Variants in FHL5 observed in about 807,000 individuals in gnomAD.
FHL5 encodes the protein four and a half LIM domains 5, also known as four and a half LIM domains protein 5.
FHL5 carries 33 observed loss-of-function variants against 32.0 expected under a neutral mutation model. The observed-to-expected ratio is 1.03, with a 90% CI of 0.78 to 1.38. FHL5 has a LOEUF of 1.38. Among genes scored for constraint, FHL5 ranks in the 40% most tolerant of loss-of-function variants. The pLI is 0.00. For missense variants in FHL5, 336 were observed against 343.9 expected (o/e 0.98, Z 0.18); for synonymous variants, 114 against 113.6 (o/e 1.00, Z -0.02).
chr6:96,577,532 A>G (rs1582460441), intron 1 of FHL5, among the ~76,000 whole-genome samples: 1 of 152,252 alleles, frequency 6.6e-6, no homozygotes, highest in Non-Finnish European at 1.5e-5. Flanking sequence ...AATAAAGCCA[A>G]ATATGATTTT....
intron 1 of FHL5, among the ~76,000 whole-genome samples, chr6:96,593,016 T>C (rs139936070): frequency 1.3e-5 from 2 of 152,112 alleles, no homozygotes; most frequent in African/African-American, 4.8e-5. Context: ...TTCTATCATC[T>C]ATGTTTCTTA....
chr6:96,597,429 A>G (rs9373959), intron 1 of FHL5, among the ~76,000 whole-genome samples: 21,963 of 152,110 alleles, frequency 0.14, 1,584 homozygotes, highest in East Asian at 0.25. Context: ...ATGTTGAAAA[A>G]TGAGTTTCGA....
chr6:96,595,105 T>C (rs887336270), intron 1 of FHL5, among the ~76,000 whole-genome samples: 1 of 151,890 alleles, frequency 6.6e-6, no homozygotes. Flanking sequence ...TTAGAGAGTT[T>C]CCTTTTTTTC....
At chr6:96,571,189 T>A (rs1390103869) in intron 1 of FHL5, among the ~76,000 whole-genome samples, 2 of 152,156 alleles carry the variant, frequency 1.3e-5, no homozygotes, top group Non-Finnish European at 2.9e-5. Flanking sequence ...TACTGTGCAG[T>A]TAGAAAAGGT....
intron 1 of FHL5, among the ~76,000 whole-genome samples, chr6:96,577,408 T>C (rs1770606341): frequency 6.6e-6 from 1 of 151,558 alleles, no homozygotes; most frequent in African/African-American, 2.4e-5. Flanking sequence ...TTCTCACAAA[T>C]ACATACACAC....
intron 1 of FHL5, among the ~76,000 whole-genome samples, chr6:96,565,596 G>A (rs1770339078): frequency 6.6e-6 from 1 of 152,052 alleles, no homozygotes; most frequent in Admixed American, 6.6e-5. Flanking sequence ...CTCACCAAAT[G>A]GATCCTGAGT....
chr6:96,607,264 T>C lies in FHL5; in HGVS notation c.504+1193T>C, dbSNP rs768181694. The stretch of plus-strand genomic sequence containing the variant: ...TCATGAGAAAGCTGAATCATGAAAA[T>C]ACATTGGATTAGTATAGTGGTTTCA... On this transcript the variant is annotated intron_variant, in intron 4 of 5. Transcript: ENST00000450218. Among the ~76,000 whole-genome samples, 15 of 145,430 alleles carry C rather than the reference T, an allele frequency of 1.0e-4. No homozygotes were observed. In the South Asian group the frequency reaches 1.7e-3, roughly 16 times the overall value.
intron 1 of FHL5, among the ~76,000 whole-genome samples, chr6:96,573,797 A>G (rs2127960066): frequency 6.6e-6 from 1 of 152,062 alleles, no homozygotes; most frequent in Middle Eastern, 3.4e-3. Flanking sequence ...TTGGGATTAC[A>G]GGCATGAACC....
chr6:96,612,952 T>C (rs768381729), intron 5 of FHL5, among the ~76,000 whole-genome samples: 2 of 152,204 alleles, frequency 1.3e-5, no homozygotes, highest in East Asian at 1.9e-4. Flanking sequence ...CTGATTATTA[T>C]GTCACTTTAA....
intron 4 of FHL5, among the ~76,000 whole-genome samples, chr6:96,607,148 C>G (rs1282319209): frequency 6.6e-6 from 1 of 152,076 alleles, no homozygotes; most frequent in Non-Finnish European, 1.5e-5. Context: ...CTTGATGAAG[C>G]CTGTCTGCAT....
intron 1 of FHL5, among the ~76,000 whole-genome samples, chr6:96,596,399 G>A (rs1317125685): frequency 1.3e-5 from 2 of 152,036 alleles, no homozygotes; most frequent in Admixed American, 6.6e-5. Context: ...TTTTAACTCT[G>A]AAATCTGACA....
intron 1 of FHL5, among the ~76,000 whole-genome samples, chr6:96,583,780 A>C (rs1449654071): frequency 4.6e-5 from 7 of 152,092 alleles, no homozygotes; most frequent in Admixed American, 4.6e-4. Flanking sequence ...CCATGGCAGG[A>C]CCTTAGGGCT....
intron 1 of FHL5, among the ~76,000 whole-genome samples, chr6:96,596,613 C>CT (rs34556231): frequency 8.6e-5 from 13 of 151,272 alleles, no homozygotes; most frequent in Non-Finnish European, 1.2e-4. Flanking sequence ...TGTATTTTAT[C>CT]TTTTTTTTTC....
chr6:96,564,366 A>C (rs1770308512), intron 1 of FHL5, among the ~76,000 whole-genome samples: 1 of 152,162 alleles, frequency 6.6e-6, no homozygotes, highest in African/African-American at 2.4e-5. Flanking sequence ...TTAAGCCATA[A>C]TCCAAATTGC....
At chr6:96,568,520 G>A (rs1044971079) in intron 1 of FHL5, among the ~76,000 whole-genome samples, 1 of 151,864 alleles carries the variant, frequency 6.6e-6, no homozygotes, top group Admixed American at 6.6e-5. Flanking sequence ...ATTTCTGGAA[G>A]AATTTGAGGA....
At chr6:96,598,220 G>A (rs1186067138) in intron 1 of FHL5, among the ~76,000 whole-genome samples, 1 of 152,068 alleles carries the variant, frequency 6.6e-6, no homozygotes, top group African/African-American at 2.4e-5. Flanking sequence ...CTGAACCCTG[G>A]CATTCTGAAT....
In FHL5 at chr6:96,610,582, C is replaced by A. The variant is rs1310099323; in HGVS notation, c.515C>A (p.Ser172Ter). Reference sequence around the variant, plus strand: ...TGTGGTCTTTGGCAGGTGATAACTTCAGGTGGGATAACATTTTGTGACCAG... The same window carrying A: ...TGTGGTCTTTGGCAGGTGATAACTTAAGGTGGGATAACATTTTGTGACCAG... Reference protein sequence around the residue: ...YCNFCKKVITSGGITFCDQLW... With the variant: ...YCNFCKKVIT The change falls in exon 5 of 6, where the codon TCA becomes TAA. Residue 172 changes from serine to a stop codon, truncating the protein, a stop_gained. Transcript: ENST00000450218. LOFTEE classifies it high-confidence loss of function. 1 of 1,613,182 alleles carries A rather than the reference C, an allele frequency of 6.2e-7. No individual in the cohort carries two copies. Among genetic ancestry groups the A allele is most frequent in the Non-Finnish European group, 8.5e-7 (1 of 1,179,460 alleles).
At chr6:96,613,785 C>A (rs1473707205) in intron 5 of FHL5, among the ~76,000 whole-genome samples, 1 of 152,178 alleles carries the variant, frequency 6.6e-6, no homozygotes, top group African/African-American at 2.4e-5. Context: ...CTGGGGCAAG[C>A]GGTTAAACTT....
chr6:96,569,079 T>C (rs926772298), intron 1 of FHL5, among the ~76,000 whole-genome samples: 5 of 151,992 alleles, frequency 3.3e-5, no homozygotes, highest in Non-Finnish European at 7.4e-5. Context: ...TAGGTGTTTG[T>C]TGCTGCACAC....
Sources: gnomAD v4.1 joint callset for allele counts (sites outside exome capture counted in the v4.1 genomes callset) on GRCh38, gnomAD v4.1.1 for gene constraint, MANE v1.5 for transcripts, NCBI Gene and HGNC (gene_info 2026-07-23, HGNC 2026-07-21) for gene names.